The following HNF4G variants were observed in gnomAD, a reference collection of about 807,000 sequenced individuals.
The protein encoded by HNF4G is hepatocyte nuclear factor 4-gamma.
HNF4G carries 21 observed loss-of-function variants against 50.9 expected under a neutral mutation model. The ratio of observed to expected loss-of-function variants is 0.41; its 90% CI spans 0.29 to 0.59. HNF4G has a LOEUF of 0.59. Among genes scored for constraint, HNF4G ranks in the 20% least tolerant of loss-of-function variants. The pLI, the probability that HNF4G is intolerant of heterozygous loss-of-function variation, is 0.26. For missense variants in HNF4G, 527 were observed against 559.4 expected (o/e 0.94, Z 0.58); for synonymous variants, 198 against 185.6 (o/e 1.07, Z -0.54).
chr8:75,441,261 T>C (rs905053331), intron 1 of HNF4G, among the ~76,000 whole-genome samples: 5 of 151,838 alleles, frequency 3.3e-5, no homozygotes, highest in African/African-American at 4.8e-5. Flanking sequence ...TTTTTTTTTT[T>C]CTGAGACAGA....
At chr8:75,510,864 A>G (rs1805732772) in intron 2 of HNF4G, among the ~76,000 whole-genome samples, 1 of 152,112 alleles carries the variant, frequency 6.6e-6, no homozygotes, top group Non-Finnish European at 1.5e-5. Flanking sequence ...TATGTAATTA[A>G]AAATAATCCC....
At chr8:75,488,805 G>A (rs911730733) in intron 1 of HNF4G, among the ~76,000 whole-genome samples, 2 of 152,134 alleles carry the variant, frequency 1.3e-5, no homozygotes, top group Non-Finnish European at 1.5e-5. Flanking sequence ...AATATAAGGA[G>A]TGTGATGTTT....
chr8:75,432,419 C>A (rs1338832883), intron 1 of HNF4G, among the ~76,000 whole-genome samples: 1 of 151,946 alleles, frequency 6.6e-6, no homozygotes, highest in Non-Finnish European at 1.5e-5. Context: ...TGGGTTCAAG[C>A]GATTCTTGTG....
chr8:75,544,070 A>G (rs1806701356), intron 2 of HNF4G, 91 bp downstream of exon 2: 12 of 1,141,394 alleles, frequency 1.1e-5, no homozygotes, highest in African/African-American at 4.7e-5. Flanking sequence ...GAGTTTTCGT[A>G]TATCTGTAAG....
At chr8:75,555,793 A>T (rs532752205) in intron 5 of HNF4G, among the ~76,000 whole-genome samples, 189 bp from the exon 6 acceptor site, 1 of 152,080 alleles carries the variant, frequency 6.6e-6, no homozygotes, top group Non-Finnish European at 1.5e-5. Context: ...AAATTTTTGA[A>T]AAGTAAGTTC....
At chr8:75,449,110 C>T (rs527595619) in intron 1 of HNF4G, among the ~76,000 whole-genome samples, 11 of 152,194 alleles carry the variant, frequency 7.2e-5, no homozygotes, top group Non-Finnish European at 1.0e-4. Context: ...TGTAACAACA[C>T]CAAAGTCCCT....
At chr8:75,526,477 T>C (rs1428818527) in intron 2 of HNF4G, among the ~76,000 whole-genome samples, 1 of 152,196 alleles carries the variant, frequency 6.6e-6, no homozygotes, top group Non-Finnish European at 1.5e-5. Flanking sequence ...CTCTTCCTTC[T>C]TGTTTCAGTT....
chr8:75,532,074 A>G (rs1806342315), intron 2 of HNF4G, among the ~76,000 whole-genome samples: 1 of 152,080 alleles, frequency 6.6e-6, no homozygotes, highest in African/African-American at 2.4e-5. Flanking sequence ...ATTCTTTAAT[A>G]TGAGTTTGAA....
chr8:75,560,083 C>T (rs1807263048), intron 8 of HNF4G, among the ~76,000 whole-genome samples: 1 of 152,100 alleles, frequency 6.6e-6, no homozygotes, highest in Non-Finnish European at 1.5e-5. Flanking sequence ...AGGCAGCGAA[C>T]CTAATGATTC....
intron 2 of HNF4G, among the ~76,000 whole-genome samples, chr8:75,496,273 C>T (rs377200203): frequency 1.3e-5 from 2 of 152,002 alleles, no homozygotes; most frequent in Non-Finnish European, 2.9e-5. Flanking sequence ...ATTCTAGTCA[C>T]GGTTATCCTT....
At chr8:75,514,365 T>C (rs67059506) in intron 2 of HNF4G, among the ~76,000 whole-genome samples, 6,735 of 124,090 alleles carry the variant, frequency 0.054, 198 homozygotes, top group Non-Finnish European at 0.079. Flanking sequence ...TTTTTTTTTT[T>C]CTTTCTTTTT....
chr8:75,508,026 A>T (rs1805640250), intron 2 of HNF4G, among the ~76,000 whole-genome samples: 1 of 152,118 alleles, frequency 6.6e-6, no homozygotes. Flanking sequence ...TTTGAAAAAA[A>T]AAAGATAAAA....
chr8:75,420,732 C>CAGCT (rs1424014577), intron 1 of HNF4G, among the ~76,000 whole-genome samples: 2 of 152,138 alleles, frequency 1.3e-5, no homozygotes, highest in Non-Finnish European at 2.9e-5. Flanking sequence ...TGAGTAGACC[C>CAGCT]AGCTGACTGG....
At chr8:75,513,472 G>T (rs1805809923) in intron 2 of HNF4G, among the ~76,000 whole-genome samples, 1 of 152,122 alleles carries the variant, frequency 6.6e-6, no homozygotes, top group African/African-American at 2.4e-5. Flanking sequence ...CCATAAAATT[G>T]TTCAGAATAT....
intron 4 of HNF4G, 79 bp downstream of exon 4, chr8:75,551,573 GT>G (rs1190772943): frequency 1.2e-6 from 1 of 842,272 alleles, no homozygotes; most frequent in Non-Finnish European, 2.0e-6. Context: ...AATAATCTAA[GT>G]TTTTTCAAAG....
At chr8:75,410,019 G>A (rs1810462595) in intron 1 of HNF4G, among the ~76,000 whole-genome samples, 1 of 151,856 alleles carries the variant, frequency 6.6e-6, no homozygotes, top group South Asian at 2.1e-4. Context: ...CTAGTATTCT[G>A]AAATTTATTT....
chr8:75,551,656 C>G (rs995120646), intron 4 of HNF4G, among the ~76,000 whole-genome samples, 162 bp downstream of exon 4: 10 of 152,172 alleles, frequency 6.6e-5, no homozygotes, highest in Non-Finnish European at 1.3e-4. Flanking sequence ...AGTGGGACTG[C>G]TGACTTAATT....
At chr8:75,420,391 T>C (rs759737486) in intron 1 of HNF4G, among the ~76,000 whole-genome samples, 4 of 152,240 alleles carry the variant, frequency 2.6e-5, no homozygotes, top group Non-Finnish European at 5.9e-5. Flanking sequence ...CTCATTGTAC[T>C]AGGAATAAAG....
At chr8:75,496,563 T>G (rs1055742199) in intron 2 of HNF4G, among the ~76,000 whole-genome samples, 1 of 151,984 alleles carries the variant, frequency 6.6e-6, no homozygotes, top group Non-Finnish European at 1.5e-5. Context: ...TCAGAGGGGA[T>G]TTACTCCAAA....
Sources: gnomAD v4.1 joint callset for allele counts (sites outside exome capture counted in the v4.1 genomes callset) on GRCh38, gnomAD v4.1.1 for gene constraint, MANE v1.5 for transcripts, NCBI Gene and HGNC (gene_info 2026-07-23, HGNC 2026-07-21) for gene names.